Variants in LRRC28 observed in about 807,000 individuals in gnomAD.
LRRC28 encodes leucine-rich repeat-containing protein 28.
In LRRC28, 39 loss-of-function variants were observed where a neutral mutation model predicts 45.7. That is an observed-to-expected ratio of 0.85 (90% CI 0.66 to 1.12). The LOEUF is 1.12. Among genes scored for constraint, LRRC28 ranks in the 50% most tolerant of loss-of-function variants. The probability of loss-of-function intolerance (pLI) is 0.00; values close to 1 mark genes in which losing one functional copy is unlikely to be tolerated. For missense variants in LRRC28, 435 were observed against 438.5 expected (o/e 0.99, Z 0.07); for synonymous variants, 206 against 178.8 (o/e 1.15, Z -1.22).
At chr15:99,265,703 G>A (rs978601772) in intron 2 of LRRC28, among the ~76,000 whole-genome samples, 1 of 152,186 alleles carries the variant, frequency 6.6e-6, no homozygotes, top group African/African-American at 2.4e-5. Context: ...CCAGGAAGCG[G>A]GTGTTTCATG....
intron 7 of LRRC28, among the ~76,000 whole-genome samples, chr15:99,358,975 C>T (rs1311764921): frequency 6.6e-6 from 1 of 151,858 alleles, no homozygotes; most frequent in Non-Finnish European, 1.5e-5. Flanking sequence ...ACTCAGGAGG[C>T]TGAGGAGGTG....
chr15:99,261,196 G>A (rs1049239734), intron 2 of LRRC28, among the ~76,000 whole-genome samples: 2 of 152,162 alleles, frequency 1.3e-5, no homozygotes, highest in Non-Finnish European at 2.9e-5. Context: ...AAGCCTTTTA[G>A]CACATTTAAA....
chr15:99,280,835 T>TA (rs1282640611), intron 3 of LRRC28, among the ~76,000 whole-genome samples: 1 of 152,188 alleles, frequency 6.6e-6, no homozygotes. Flanking sequence ...GTGGAACTCT[T>TA]ACCTGTTTGT....
At chr15:99,287,991 T>TATA in intron 5 of LRRC28, 40 bp downstream of exon 5, 1 of 1,526,152 alleles carries the variant, frequency 6.6e-7, no homozygotes. Context: ...TCTTGTCTAT[T>TATA]ATAAATCTGT....
At chr15:99,303,865 A>C (rs1241685651) in intron 5 of LRRC28, among the ~76,000 whole-genome samples, 2 of 152,182 alleles carry the variant, frequency 1.3e-5, no homozygotes, top group Non-Finnish European at 2.9e-5. Context: ...TGAATATTCA[A>C]ATGGAGGCAA....
intron 2 of LRRC28, chr15:99,258,289 GGA>G: frequency 1.3e-6 from 2 of 1,547,210 alleles, no homozygotes; most frequent in Non-Finnish European, 1.8e-6. Context: ...AGTACATCTG[GGA>G]GTCTGAATCC....
At chr15:99,308,840 G>A (rs993015675) in intron 5 of LRRC28, among the ~76,000 whole-genome samples, 1 of 152,154 alleles carries the variant, frequency 6.6e-6, no homozygotes, top group African/African-American at 2.4e-5. Context: ...ATCTGCTTAG[G>A]GTCTCAGAAG....
chr15:99,297,684 A>G (rs1389626561), intron 5 of LRRC28, among the ~76,000 whole-genome samples: 1 of 150,042 alleles, frequency 6.7e-6, no homozygotes, highest in Non-Finnish European at 1.5e-5. Context: ...TAATAACTTT[A>G]TAATAACAGA....
intron 6 of LRRC28, among the ~76,000 whole-genome samples, chr15:99,349,025 A>T (rs541101476): frequency 9.9e-5 from 15 of 152,166 alleles, no homozygotes; most frequent in South Asian, 2.1e-4. Context: ...AGATATTTTT[A>T]AAAAATACTA....
chr15:99,320,176 A>C (rs1955745201), intron 5 of LRRC28, among the ~76,000 whole-genome samples: 1 of 152,178 alleles, frequency 6.6e-6, no homozygotes, highest in African/African-American at 2.4e-5. Context: ...TTCTGTTAAG[A>C]GGTCTTGTTA....
chr15:99,383,109 C>T (rs1453438577), intron 9 of LRRC28, among the ~76,000 whole-genome samples: 1 of 152,160 alleles, frequency 6.6e-6, no homozygotes, highest in Non-Finnish European at 1.5e-5. Flanking sequence ...ACATTTAGCT[C>T]TTGCCCCTGT....
At chr15:99,376,989 G>A (rs1182701249) in intron 9 of LRRC28, among the ~76,000 whole-genome samples, 1 of 152,130 alleles carries the variant, frequency 6.6e-6, no homozygotes, top group African/African-American at 2.4e-5. Context: ...ATTGTGAATA[G>A]TGCCGCAATA....
At chr15:99,276,446 C>T (rs2081618780) in intron 2 of LRRC28, 130 bp from the exon 3 acceptor site, 2 of 599,874 alleles carry the variant, frequency 3.3e-6, no homozygotes, top group African/African-American at 3.9e-5. Flanking sequence ...CCCAGACCTG[C>T]TGATTAATTA....
At chr15:99,309,550 AGGCACGC>A (rs1188607753) in intron 5 of LRRC28, among the ~76,000 whole-genome samples, 3 of 152,180 alleles carry the variant, frequency 2.0e-5, no homozygotes, top group Non-Finnish European at 4.4e-5. Flanking sequence ...CTGGGATTAC[AGGCACGC>A]GCCACCACGC....
chr15:99,293,681 T>G lies in LRRC28; in HGVS notation c.385+5730T>G, dbSNP rs151199021. Among the ~76,000 whole-genome samples the G allele has an allele frequency of 6.2e-3, 929 of 150,306 alleles. 15 individuals are homozygous for G. The highest frequency in any genetic ancestry group is 0.021 in the African/African-American group (869 of 40,926). ...ATTCACCATTTCCTGTGCTTTCTAT[T>G]CTTCTTTTCTTAAGAGACACAGTCT... On this transcript the variant is annotated intron_variant, in intron 5 of 9. Transcript: ENST00000301981.
At position 99,255,810 on chromosome 15, in the gene LRRC28, C is replaced by G. The variant is rs2081000006; in HGVS notation, c.-60-88C>G. On this transcript the variant is annotated intron_variant, in intron 1 of 9. Transcript: ENST00000301981. ...ATGTATTAATTATTTTTTTCAGTGT[C>G]TTCAAGTGGCTCTGTGTGCTAACTG... 27 of 681,806 alleles carry G rather than the reference C, an allele frequency of 4.0e-5. No individual in the cohort carries two copies. In the South Asian group the frequency reaches 7.4e-4, roughly 19 times the overall value. 42.2% of individuals were successfully genotyped at this position (681,806 alleles called of 1,614,324 possible). A position where few individuals can be genotyped will look rare whatever the true frequency, so the allele number is the denominator to read the frequency against.
intron 9 of LRRC28, among the ~76,000 whole-genome samples, chr15:99,375,929 CTTTA>C (rs1337229578): frequency 6.6e-6 from 1 of 151,868 alleles, no homozygotes; most frequent in Non-Finnish European, 1.5e-5. Context: ...GGTTTCTCCT[CTTTA>C]TTATTTACTA....
chr15:99,351,254 G>A (rs1047987784), intron 6 of LRRC28, among the ~76,000 whole-genome samples: 2 of 152,148 alleles, frequency 1.3e-5, no homozygotes, highest in Non-Finnish European at 2.9e-5. Flanking sequence ...TGGGCACATG[G>A]GAAGGGATGG....
At chr15:99,338,336 A>G (rs1446548090) in intron 6 of LRRC28, 1 of 152,424 alleles carries the variant, frequency 6.6e-6, no homozygotes, top group Non-Finnish European at 1.5e-5. Flanking sequence ...AATGCTAAGA[A>G]CTATCTGGGA....
Sources: gnomAD v4.1 joint callset for allele counts (sites outside exome capture counted in the v4.1 genomes callset) on GRCh38, gnomAD v4.1.1 for gene constraint, MANE v1.5 for transcripts, NCBI Gene and HGNC (gene_info 2026-07-23, HGNC 2026-07-21) for gene names.